MEGF10: variants seen among roughly 807,000 people sequenced by gnomAD.
MEGF10 encodes the protein multiple epidermal growth factor-like domains protein 10.
A neutral mutation model predicts 147.5 loss-of-function variants in MEGF10; 86 were observed. The ratio of observed to expected loss-of-function variants is 0.58; its 90% CI spans 0.49 to 0.70. MEGF10 has a LOEUF of 0.70. Ranked by LOEUF, MEGF10 falls within the 30% of genes least tolerant of loss-of-function variation. The pLI is 0.00. For synonymous variants in MEGF10, 478 were observed against 525.5 expected (o/e 0.91, Z 1.24); for missense variants, 1,329 against 1,487.3 (o/e 0.89, Z 1.75).
At chr5:127,385,585 A>G (rs1174447472) in intron 5 of MEGF10, among the ~76,000 whole-genome samples, 1 of 152,200 alleles carries the variant, frequency 6.6e-6, no homozygotes, top group Non-Finnish European at 1.5e-5. Context: ...CATTTATAAT[A>G]TTGAAGGCAT....
In MEGF10 at chr5:127,443,083, C is replaced by T. The variant is rs1025977619; in HGVS notation, c.2448C>T (p.Thr816=). 1 of 1,613,764 alleles carries T rather than the reference C, an allele frequency of 6.2e-7. No homozygotes were observed. The highest frequency in any genetic ancestry group is 8.5e-7 in the Non-Finnish European group (1 of 1,179,734). The change falls in exon 19 of 25, where the codon ACC becomes ACT. Residue 816 remains threonine (T), a synonymous_variant. Coordinates refer to ENST00000503335, the MANE Select transcript of MEGF10 (RefSeq NM_001256545.2). ...NNSTCDHITG[T]CYCSPGWKGA... The stretch of plus-strand genomic sequence containing the variant: ...CCACCTGCGACCACATCACTGGGAC[C>T]TGTTACTGCAGCCCCGGATGGAAGG...
intron 1 of MEGF10, among the ~76,000 whole-genome samples, chr5:127,315,841 C>T (rs779032652): frequency 9.2e-5 from 14 of 152,132 alleles, no homozygotes; most frequent in Non-Finnish European, 1.9e-4. Context: ...TATTTTGAAT[C>T]ACTTTGTAAT....
chr5:127,232,025 G>A, the MEGF10 span, among the ~76,000 whole-genome samples: 7 of 152,210 alleles, frequency 4.6e-5, no homozygotes, highest in Non-Finnish European at 1.0e-4. Context: ...AGCAGGAGTG[G>A]CAGCAGAAAA....
chr5:127,364,990 A>G (rs753493912), intron 4 of MEGF10, among the ~76,000 whole-genome samples: 1 of 152,178 alleles, frequency 6.6e-6, no homozygotes, highest in Non-Finnish European at 1.5e-5. Flanking sequence ...TCTTGTCTGA[A>G]AAATGTAGGA....
intron 4 of MEGF10, among the ~76,000 whole-genome samples, chr5:127,369,353 A>G (rs1331760305): frequency 1.3e-5 from 2 of 152,152 alleles, no homozygotes; most frequent in Admixed American, 6.5e-5. Context: ...CTGTTTCCCA[A>G]AGACCTGGGT....
chr5:127,270,286 G>A, the MEGF10 span, among the ~76,000 whole-genome samples: 1 of 152,112 alleles, frequency 6.6e-6, no homozygotes, highest in Admixed American at 6.5e-5. Context: ...ACCCAGACTG[G>A]CAAATTGGAT....
the MEGF10 span, among the ~76,000 whole-genome samples, chr5:127,230,370 T>G: frequency 1.3e-5 from 2 of 151,984 alleles, no homozygotes; most frequent in African/African-American, 2.4e-5. Flanking sequence ...TCCCCAGGCT[T>G]GAAGCTAACT....
intron 20 of MEGF10, 105 bp from the exon 21 acceptor site, chr5:127,447,452 C>G (rs1326423710): frequency 2.0e-6 from 3 of 1,489,570 alleles, no homozygotes; most frequent in Non-Finnish European, 2.8e-6. Flanking sequence ...GCTGGGATTA[C>G]AGGCGTGAGC....
intron 4 of MEGF10, among the ~76,000 whole-genome samples, chr5:127,355,115 G>A (rs1263242233): frequency 6.6e-6 from 1 of 152,140 alleles, no homozygotes; most frequent in Non-Finnish European, 1.5e-5. Flanking sequence ...TTGTTTTGGG[G>A]TGAGAAGAGT....
At chr5:127,434,342 T>A (rs770265626) in intron 14 of MEGF10, among the ~76,000 whole-genome samples, 1 of 152,198 alleles carries the variant, frequency 6.6e-6, no homozygotes, top group African/African-American at 2.4e-5. Flanking sequence ...TTGAGACTTA[T>A]TAGTATTTCA....
chr5:127,272,656 C>A, the MEGF10 span, among the ~76,000 whole-genome samples: 3 of 152,220 alleles, frequency 2.0e-5, no homozygotes, highest in Admixed American at 6.5e-5. Context: ...CCCTTGTTAG[C>A]TGTATTCCTT....
At chr5:127,269,172 T>G in the MEGF10 span, among the ~76,000 whole-genome samples, 19 of 152,098 alleles carry the variant, frequency 1.2e-4, no homozygotes, top group Non-Finnish European at 2.1e-4. Flanking sequence ...ATTCTAAAAA[T>G]CAGAGCACCT....
chr5:127,435,567 G>T, intron 16 of MEGF10, 78 bp downstream of exon 16: 2 of 1,330,168 alleles, frequency 1.5e-6, no homozygotes, highest in Non-Finnish European at 2.0e-6. Flanking sequence ...AAGTATGAGT[G>T]TTTTTATATA....
intron 8 of MEGF10, among the ~76,000 whole-genome samples, chr5:127,405,311 G>A (rs1764280704): frequency 6.6e-6 from 1 of 151,704 alleles, no homozygotes; most frequent in African/African-American, 2.4e-5. Flanking sequence ...ATAAGATACT[G>A]TCATGTTTGT....
At chr5:127,375,660 C>T (rs1431834712) in intron 5 of MEGF10, among the ~76,000 whole-genome samples, 1 of 152,212 alleles carries the variant, frequency 6.6e-6, no homozygotes, top group Non-Finnish European at 1.5e-5. Context: ...CTCTGTTCTT[C>T]CCCCCATCAA....
At chr5:127,274,168 A>C in the MEGF10 span, among the ~76,000 whole-genome samples, 1 of 152,164 alleles carries the variant, frequency 6.6e-6, no homozygotes, top group Non-Finnish European at 1.5e-5. Context: ...CAGATCTGAG[A>C]TCTTATAAAA....
chr5:127,250,404 A>C, the MEGF10 span, among the ~76,000 whole-genome samples: 1 of 151,916 alleles, frequency 6.6e-6, no homozygotes, highest in Non-Finnish European at 1.5e-5. Context: ...AAAAAAATTT[A>C]TGACATTTCA....
intron 16 of MEGF10, among the ~76,000 whole-genome samples, chr5:127,436,378 C>T (rs1765554071): frequency 6.6e-6 from 1 of 152,074 alleles, no homozygotes; most frequent in South Asian, 2.1e-4. Flanking sequence ...CCAGGCTGTA[C>T]CCCATTTTTT....
chr5:127,430,205 C>T (rs780343449), intron 13 of MEGF10, among the ~76,000 whole-genome samples: 6 of 152,168 alleles, frequency 3.9e-5, no homozygotes, highest in Non-Finnish European at 7.3e-5. Context: ...AAACTTCTCA[C>T]AGCAAACCAG....
Sources: allele counts gnomAD v4.1 joint callset (sites outside exome capture counted in the v4.1 genomes callset), GRCh38; gene constraint gnomAD v4.1.1; transcripts MANE v1.5; gene names NCBI Gene and HGNC (gene_info 2026-07-23, HGNC 2026-07-21).